The following SMC6 variants were observed in gnomAD, a reference collection of about 807,000 sequenced individuals.
The protein encoded by SMC6 is structural maintenance of chromosomes 6, also known as structural maintenance of chromosomes protein 6.
In SMC6, 79 loss-of-function variants were observed where a neutral mutation model predicts 142.2. The observed-to-expected ratio is 0.56, with a 90% CI of 0.46 to 0.67. The LOEUF is 0.67. SMC6 is among the 30% of genes least tolerant of loss of function. The pLI is 0.00. For synonymous variants in SMC6, 411 were observed against 412.4 expected (o/e 1.00, Z 0.04); for missense variants, 1,072 against 1,284.0 (o/e 0.83, Z 2.52).
intron 5 of SMC6, among the ~76,000 whole-genome samples, chr2:17,735,895 C>T (rs545023791): frequency 2.6e-5 from 4 of 152,164 alleles, no homozygotes; most frequent in East Asian, 1.9e-4. Context: ...TCACAAATGG[C>T]GAGTATAATG....
chr2:17,719,551 G>A (rs1158357708), intron 11 of SMC6, among the ~76,000 whole-genome samples: 2 of 152,206 alleles, frequency 1.3e-5, no homozygotes, highest in African/African-American at 2.4e-5. Flanking sequence ...TTAAAAAAGA[G>A]GTGAGCATCT....
At chr2:17,742,813 G>A (rs938320646) in intron 3 of SMC6, among the ~76,000 whole-genome samples, 38 of 152,028 alleles carry the variant, frequency 2.5e-4, no homozygotes, top group African/African-American at 8.7e-4. Flanking sequence ...CTCAGTTTCC[G>A]CCCATTGTAA....
At chr2:17,698,696 CAAGT>C (rs1303715428) in intron 21 of SMC6, among the ~76,000 whole-genome samples, 4 of 151,986 alleles carry the variant, frequency 2.6e-5, no homozygotes. Context: ...TTTATTTAGA[CAAGT>C]AAGTCTAAAT....
At chr2:17,702,698 C>G (rs567745628) in intron 19 of SMC6, among the ~76,000 whole-genome samples, 7 of 152,076 alleles carry the variant, frequency 4.6e-5, no homozygotes, top group East Asian at 3.9e-4. Context: ...CAGCTTCCCC[C>G]CTACTGTTCT....
chr2:17,669,113 G>A (rs540573221), intron 26 of SMC6, among the ~76,000 whole-genome samples: 11 of 152,210 alleles, frequency 7.2e-5, no homozygotes, highest in South Asian at 4.2e-4. Flanking sequence ...AAGGAGAAGC[G>A]GACAGAGGTC....
chr2:17,721,059 C>G, intron 10 of SMC6, 21 bp from the exon 11 acceptor site: 1 of 1,612,786 alleles, frequency 6.2e-7, no homozygotes, highest in Non-Finnish European at 8.5e-7. Flanking sequence ...AATTATATAG[C>G]AAATTGATCA....
intron 20 of SMC6, among the ~76,000 whole-genome samples, chr2:17,701,199 C>T (rs948573311): frequency 2.0e-5 from 3 of 151,930 alleles, no homozygotes; most frequent in Admixed American, 6.6e-5. Flanking sequence ...GAGACTTATT[C>T]CATTTTGCGC....
chr2:17,665,630 C>A lies in SMC6; in HGVS notation c.3162-17G>T. 6.8e-7 allele frequency: 1 copy of A among 1,476,610 alleles called. No individual in the cohort carries two copies. The highest frequency in any genetic ancestry group is 1.3e-5 in the South Asian group (1 of 79,896). The allele number at this position is 1,476,610 out of a possible 1,614,324, so 91.5% of individuals were successfully genotyped here. On this transcript the variant is annotated splice_polypyrimidine_tract_variant and intron_variant, in intron 27 of 27. Transcript: ENST00000448223. ...GGAAGTGAACTAGAAGAAGCAAAAT[C>A]AATTACTCAAATTTCCAAGAAACCT... is the stretch of plus-strand genomic sequence containing the variant.
At chr2:17,711,228 C>T (rs913666593) in intron 16 of SMC6, among the ~76,000 whole-genome samples, 4 of 152,124 alleles carry the variant, frequency 2.6e-5, no homozygotes, top group East Asian at 1.9e-4. Flanking sequence ...TTTTGCTATT[C>T]GTCCCTGGGA....
At position 17,721,233 on chromosome 2, in the gene SMC6, A is replaced by G; in HGVS notation, c.755T>C (p.Val252Ala). Residue 252 changes from valine to alanine, a missense_variant, in exon 10 of 28, where the codon GTA becomes GCA. Coordinates refer to ENST00000448223, the MANE Select transcript of SMC6 (RefSeq NM_001142286.2). ...ERLTELKRQC[V>A]EKEERFQSIA... ...ACTTTGAAAACGTTCCTCTTTCTCT[A>G]CACACTGGCGCTTTAGTTCAGTAAG... 3 of 1,608,732 alleles carry G rather than the reference A, an allele frequency of 1.9e-6. No homozygotes were observed. Among genetic ancestry groups the G allele is most frequent in the Non-Finnish European group, 1.7e-6 (2 of 1,178,586 alleles).
In SMC6 at chr2:17,753,041, T is replaced by C. The variant is rs879778959; in HGVS notation, c.-69A>G. ...GAGTCCTGTTTTCCGCAATTCCCAA[T>C]TGGGATTCTTCTCCGGTTCATTTCT... is the stretch of plus-strand genomic sequence containing the variant. On this transcript the variant is annotated 5_prime_UTR_variant, in exon 2 of 28. Transcript: ENST00000448223. 1.0e-5 allele frequency: 10 copies of C among 984,732 alleles called. No individual in the cohort carries two copies. Among genetic ancestry groups the C allele is most frequent in the African/African-American group, 1.7e-5 (1 of 57,210 alleles). The allele number at this position is 984,732 out of a possible 1,614,324, so 61.0% of individuals were successfully genotyped here.
At position 17,678,869 on chromosome 2, in the gene SMC6, A is replaced by G. The variant is rs753510909; in HGVS notation, c.2900T>C (p.Leu967Pro). Reference sequence around the variant, plus strand: ...AATTAGGATACTTACTGATATACTTAGAGTTTCATTCTTGTGGTCAAAATT... The same window carrying G: ...AATTAGGATACTTACTGATATACTTGGAGTTTCATTCTTGTGGTCAAAATT... ...KMNFDHKNETLSISVQPGEGN... is the reference protein window; with the variant it reads ...KMNFDHKNETPSISVQPGEGN... Residue 967 changes from leucine to proline, a missense_variant, in exon 25 of 28, where the codon CTA becomes CCA. Physicochemically the swap from Leu to Pro is moderately conservative, Grantham distance 98. Coordinates refer to ENST00000448223, the MANE Select transcript of SMC6 (RefSeq NM_001142286.2). 2 of 1,596,670 alleles carry G rather than the reference A, an allele frequency of 1.3e-6. No homozygotes were observed. The highest frequency in any genetic ancestry group is 1.3e-5 in the African/African-American group (1 of 74,522).
At chr2:17,746,105 TAAGG>T in intron 2 of SMC6, 154 bp from the exon 3 acceptor site, 1 of 725,868 alleles carries the variant, frequency 1.4e-6, no homozygotes, top group East Asian at 3.3e-5. Context: ...CATCTTGCAC[TAAGG>T]AAGAGGGACA....
chr2:17,709,756 T>A (rs191455630), intron 16 of SMC6, among the ~76,000 whole-genome samples: 5 of 152,200 alleles, frequency 3.3e-5, no homozygotes, highest in African/African-American at 1.2e-4. Flanking sequence ...GGTGCTTTTT[T>A]ACACACACAA....
chr2:17,665,572 G>A lies in SMC6; in HGVS notation c.3203C>T (p.Ser1068Phe). Reference protein sequence around the residue: ...SSKLIRILRMSDPERGQTTLP... With the variant: ...SSKLIRILRMFDPERGQTTLP... ...TGTAGTTTGTCCTCTTTCAGGATCA[G>A]ACATTCGGAGAATTCTTATCAGTTT... The change falls in exon 28 of 28, where the codon TCT becomes TTT. Residue 1068 changes from serine (S) to phenylalanine (F), a missense_variant. Coordinates refer to ENST00000448223, the MANE Select transcript of SMC6 (RefSeq NM_001142286.2). 1 of 1,610,704 alleles carries A rather than the reference G, an allele frequency of 6.2e-7. No homozygotes were observed. Among genetic ancestry groups the A allele is most frequent in the Non-Finnish European group, 8.5e-7 (1 of 1,178,224 alleles).
At chr2:17,722,186 CCT>C (rs763280785) in intron 9 of SMC6, among the ~76,000 whole-genome samples, 1 of 152,002 alleles carries the variant, frequency 6.6e-6, no homozygotes, top group Non-Finnish European at 1.5e-5. Context: ...TCATTCATTC[CCT>C]CTCTCCAGCT....
chr2:17,670,800 T>G (rs1666723076), intron 25 of SMC6, among the ~76,000 whole-genome samples: 1 of 152,180 alleles, frequency 6.6e-6, no homozygotes, highest in African/African-American at 2.4e-5. Flanking sequence ...ACTGAAAACC[T>G]TTTTCACCAT....
intron 16 of SMC6, among the ~76,000 whole-genome samples, chr2:17,709,978 G>A (rs1415224533): frequency 1.3e-5 from 2 of 152,198 alleles, no homozygotes; most frequent in Non-Finnish European, 2.9e-5. Context: ...AAGAAAGATG[G>A]TGAGAGGACA....
Position 17,714,888 on chromosome 2 carries a change from C to T in SMC6, c.1703G>A (p.Arg568Gln), listed in dbSNP as rs1487167440. The T allele has an allele frequency of 6.8e-6, 11 of 1,612,778 alleles. No homozygotes were observed. The highest frequency in any genetic ancestry group is 5.3e-5 in the African/African-American group (4 of 74,778). Residue 568 changes from arginine to glutamine, a missense_variant, in exon 16 of 28, where the codon CGG becomes CAG. Coordinates refer to ENST00000448223, the MANE Select transcript of SMC6 (RefSeq NM_001142286.2). Reference protein sequence around the residue: ...SRPPIIVSEFRNEIYDVRHRA... With the variant: ...SRPPIIVSEFQNEIYDVRHRA... ...GTGTCTTACATCATATATCTCATTCCGAAACTCAGAAACTATTATCGGTGG... is the reference window on the plus strand; with the variant it reads ...GTGTCTTACATCATATATCTCATTCTGAAACTCAGAAACTATTATCGGTGG...
Sources: allele counts gnomAD v4.1 joint callset (sites outside exome capture counted in the v4.1 genomes callset), GRCh38; gene constraint gnomAD v4.1.1; transcripts MANE v1.5; gene names NCBI Gene and HGNC (gene_info 2026-07-23, HGNC 2026-07-21).